TOM1L2: variants seen among roughly 807,000 people sequenced by gnomAD.
TOM1L2 encodes the protein target of myb1 like 2 membrane trafficking protein, also known as TOM1-like protein 2.
A neutral mutation model predicts 67.9 loss-of-function variants in TOM1L2; 31 were observed. The ratio of observed to expected loss-of-function variants is 0.46; its 90% CI spans 0.34 to 0.62. The LOEUF is 0.62. TOM1L2 is among the 20% of genes least tolerant of loss of function. The pLI is 0.01. For synonymous variants in TOM1L2, 256 were observed against 254.0 expected (o/e 1.01, Z -0.07); for missense variants, 606 against 663.5 (o/e 0.91, Z 0.95).
chr17:17,947,609 T>C (rs1330344189), intron 1 of TOM1L2, among the ~76,000 whole-genome samples: 1 of 152,198 alleles, frequency 6.6e-6, no homozygotes, highest in African/African-American at 2.4e-5. Flanking sequence ...CCTCCAGAAC[T>C]ATGAGAAAAT....
intron 1 of TOM1L2, among the ~76,000 whole-genome samples, chr17:17,938,721 C>T (rs1033817286): frequency 6.6e-6 from 1 of 151,726 alleles, no homozygotes; most frequent in Non-Finnish European, 1.5e-5. Flanking sequence ...CATGCCTTAA[C>T]TCATTACTTT....
At chr17:17,946,572 T>C (rs910078463) in intron 1 of TOM1L2, among the ~76,000 whole-genome samples, 1 of 152,208 alleles carries the variant, frequency 6.6e-6, no homozygotes, top group East Asian at 1.9e-4. Context: ...TTCTGATATA[T>C]TTAAAACTTA....
intron 12 of TOM1L2, among the ~76,000 whole-genome samples, chr17:17,860,848 C>T (rs1048792335): frequency 1.3e-5 from 2 of 152,244 alleles, no homozygotes; most frequent in Non-Finnish European, 2.9e-5. Flanking sequence ...CAAACACATA[C>T]CATTCCCTCC....
chr17:17,906,286 G>A (rs59692932), intron 2 of TOM1L2, among the ~76,000 whole-genome samples: 5 of 151,724 alleles, frequency 3.3e-5, no homozygotes, highest in African/African-American at 1.2e-4. Context: ...GCACCACCAC[G>A]CCTGGCTAAC....
At chr17:17,957,761 A>G (rs2041519551) in intron 1 of TOM1L2, among the ~76,000 whole-genome samples, 1 of 152,122 alleles carries the variant, frequency 6.6e-6, no homozygotes, top group African/African-American at 2.4e-5. Context: ...GTACACACAC[A>G]TATGATTCAT....
intron 1 of TOM1L2, among the ~76,000 whole-genome samples, chr17:17,970,045 T>G (rs1051046562): frequency 6.6e-6 from 1 of 151,910 alleles, no homozygotes; most frequent in African/African-American, 2.4e-5. Flanking sequence ...GGTTTTTTGT[T>G]GTTGTTGTTG....
chr17:17,879,942 G>A (rs979660615), intron 6 of TOM1L2, among the ~76,000 whole-genome samples, 199 bp from the exon 7 acceptor site: 6 of 152,136 alleles, frequency 3.9e-5, no homozygotes, highest in African/African-American at 1.4e-4. Flanking sequence ...AGCTGAATGG[G>A]CCCTGCCACC....
intron 3 of TOM1L2, among the ~76,000 whole-genome samples, chr17:17,897,421 G>A (rs1053141485): frequency 5.9e-5 from 9 of 152,166 alleles, no homozygotes; most frequent in Non-Finnish European, 1.0e-4. Context: ...TGCTTTAAAA[G>A]GAAACATGGT....
chr17:17,926,663 G>A (rs1055893568), intron 1 of TOM1L2, among the ~76,000 whole-genome samples: 14 of 152,064 alleles, frequency 9.2e-5, no homozygotes, highest in Admixed American at 2.0e-4. Context: ...AGGAGTTCAA[G>A]ACCAGCCAAC....
At chr17:17,872,675 G>T (rs183019158) in intron 7 of TOM1L2, among the ~76,000 whole-genome samples, 4 of 152,358 alleles carry the variant, frequency 2.6e-5, no homozygotes, top group Admixed American at 2.6e-4. Context: ...TGAGGACCGA[G>T]CCAGGCACTG....
chr17:17,944,557 G>C (rs2040865258), intron 1 of TOM1L2, among the ~76,000 whole-genome samples: 1 of 152,236 alleles, frequency 6.6e-6, no homozygotes. Flanking sequence ...AACTAACGCA[G>C]ACCATCTGCT....
chr17:17,966,957 G>A (rs1049403548), intron 1 of TOM1L2, among the ~76,000 whole-genome samples: 1 of 152,068 alleles, frequency 6.6e-6, no homozygotes, highest in African/African-American at 2.4e-5. Context: ...TTCAGCTTTG[G>A]GACTCAGACT....
At chr17:17,882,625 G>A (rs2037782275) in intron 6 of TOM1L2, 80 bp downstream of exon 6, 2 of 1,567,162 alleles carry the variant, frequency 1.3e-6, no homozygotes, top group Non-Finnish European at 1.7e-6. Flanking sequence ...CCTGGCTTGG[G>A]AGGCCTTTGT....
intron 6 of TOM1L2, among the ~76,000 whole-genome samples, chr17:17,880,555 T>C (rs945241335): frequency 2.6e-5 from 4 of 152,180 alleles, no homozygotes; most frequent in African/African-American, 7.2e-5. Flanking sequence ...TGAAATATCA[T>C]AGAAGAATCT....
At chr17:17,927,305 T>C (rs769973265) in intron 1 of TOM1L2, among the ~76,000 whole-genome samples, 1 of 152,206 alleles carries the variant, frequency 6.6e-6, no homozygotes, top group Non-Finnish European at 1.5e-5. Context: ...CAGCTGGGTT[T>C]ACCATGTGAG....
chr17:17,946,419 T>C (rs1007377660), intron 1 of TOM1L2, among the ~76,000 whole-genome samples: 2 of 152,206 alleles, frequency 1.3e-5, no homozygotes, highest in African/African-American at 2.4e-5. Flanking sequence ...TTTCTCTATA[T>C]AGATGTGTCT....
intron 1 of TOM1L2, among the ~76,000 whole-genome samples, chr17:17,934,072 G>C (rs1427327608): frequency 1.3e-5 from 2 of 152,148 alleles, no homozygotes; most frequent in East Asian, 3.8e-4. Context: ...CACATTAAGT[G>C]GGGGGAAATC....
chr17:17,929,622 A>C (rs1388302355), intron 1 of TOM1L2, among the ~76,000 whole-genome samples: 2 of 152,092 alleles, frequency 1.3e-5, no homozygotes, highest in Non-Finnish European at 2.9e-5. Context: ...CAACAGCAAA[A>C]ACTCCATCTC....
At chr17:17,918,151 A>G (rs1370544174) in intron 1 of TOM1L2, among the ~76,000 whole-genome samples, 1 of 151,878 alleles carries the variant, frequency 6.6e-6, no homozygotes, top group African/African-American at 2.4e-5. Flanking sequence ...CAGATTGTTC[A>G]TTGTTAATGT....
Sources: gnomAD v4.1 joint callset for allele counts (sites outside exome capture counted in the v4.1 genomes callset) on GRCh38, gnomAD v4.1.1 for gene constraint, MANE v1.5 for transcripts, NCBI Gene and HGNC (gene_info 2026-07-23, HGNC 2026-07-21) for gene names.